ZNF644: variants seen among roughly 807,000 people sequenced by gnomAD.
The protein encoded by ZNF644 is zinc finger protein 644, also known as zinc finger motif enhancer binding protein 2.
In ZNF644, 20 loss-of-function variants were observed where a neutral mutation model predicts 108.0. The ratio of observed to expected loss-of-function variants is 0.19; its 90% CI spans 0.13 to 0.27. The LOEUF (loss-of-function observed/expected upper bound fraction) is 0.27, where lower values mean the gene tolerates loss of function less well. Ranked by LOEUF, ZNF644 falls within the 10% of genes least tolerant of loss-of-function variation. ZNF644 has a pLI of 1.00. For missense variants in ZNF644, 1,338 were observed against 1,548.9 expected (o/e 0.86, Z 2.29); for synonymous variants, 542 against 539.1 (o/e 1.01, Z -0.08).
chr1:90,969,211 A>C (rs962544760), intron 2 of ZNF644, among the ~76,000 whole-genome samples: 40 of 152,312 alleles, frequency 2.6e-4, no homozygotes, highest in African/African-American at 8.7e-4. Context: ...AGATTAGGAC[A>C]TACAGAGAGA....
intron 4 of ZNF644, among the ~76,000 whole-genome samples, chr1:90,921,993 AAAG>A (rs1295812918): frequency 3.9e-5 from 6 of 152,196 alleles, no homozygotes; most frequent in African/African-American, 1.4e-4. Context: ...AGTTTTATAC[AAAG>A]AAGATTAAGA....
At chr1:90,986,920 C>T (rs763634333) in intron 1 of ZNF644, among the ~76,000 whole-genome samples, 9 of 151,674 alleles carry the variant, frequency 5.9e-5, no homozygotes, top group Non-Finnish European at 1.3e-4. Flanking sequence ...CTTACTCTTA[C>T]CCAACCAATG....
chr1:90,984,431 G>A (rs1167116839), intron 1 of ZNF644, among the ~76,000 whole-genome samples: 1 of 151,260 alleles, frequency 6.6e-6, no homozygotes, highest in Non-Finnish European at 1.5e-5. Context: ...AATATGACTG[G>A]TGTCTTTTTT....
At chr1:90,951,669 C>T (rs938083349) in intron 2 of ZNF644, among the ~76,000 whole-genome samples, 2 of 152,148 alleles carry the variant, frequency 1.3e-5, no homozygotes, top group African/African-American at 4.8e-5. Context: ...TCTACTTATA[C>T]TAGTTTATCC....
At chr1:90,943,768 A>T (rs1652250291) in intron 2 of ZNF644, among the ~76,000 whole-genome samples, 1 of 152,146 alleles carries the variant, frequency 6.6e-6, no homozygotes, top group Non-Finnish European at 1.5e-5. Flanking sequence ...CACAGAAGTT[A>T]AAAATGGGCA....
chr1:91,010,788 G>T (rs1481880050), intron 1 of ZNF644, among the ~76,000 whole-genome samples: 1 of 152,072 alleles, frequency 6.6e-6, no homozygotes, highest in African/African-American at 2.4e-5. Flanking sequence ...ACCCCTAGTG[G>T]AGCATTAGCT....
Position 90,939,023 on chromosome 1 carries a change from T to A in ZNF644, c.2331A>T (p.Ser777=). 6.2e-7 allele frequency: 1 copy of A among 1,614,042 alleles called. No homozygotes were observed. Among genetic ancestry groups the A allele is most frequent in the Non-Finnish European group, 8.5e-7 (1 of 1,179,928 alleles). ...TAAAATTGTTGTGAGAATTACTTGA[T>A]GATGAAAACAGGTGTAAAGAATTTA... The part of the protein sequence containing the change: ...SSLNSLHLFS[S]SSNSHNNFIS... Residue 777 remains serine (S), a synonymous_variant, in exon 3 of 6, where the codon TCA becomes TCT. Coordinates refer to ENST00000337393, the MANE Select transcript of ZNF644 (RefSeq NM_201269.3).
At chr1:90,982,779 G>T (rs764177260) in intron 1 of ZNF644, among the ~76,000 whole-genome samples, 2 of 151,940 alleles carry the variant, frequency 1.3e-5, no homozygotes, top group Non-Finnish European at 2.9e-5. Flanking sequence ...AGACAAAAAT[G>T]TTATAGTATT....
intron 2 of ZNF644, among the ~76,000 whole-genome samples, chr1:90,949,789 G>C (rs1652894887): frequency 6.6e-6 from 1 of 152,042 alleles, no homozygotes; most frequent in Non-Finnish European, 1.5e-5. Context: ...ATTGGAGTTT[G>C]GTATTCTTGC....
intron 1 of ZNF644, among the ~76,000 whole-genome samples, chr1:90,983,481 C>CAAAAA (rs768476839): frequency 4.7e-5 from 3 of 63,398 alleles, no homozygotes; most frequent in African/African-American, 1.1e-4. Context: ...CCTCATATGG[C>CAAAAA]AAAAAAAAAA....
At chr1:90,990,708 C>A (rs995351002) in intron 1 of ZNF644, among the ~76,000 whole-genome samples, 9 of 152,112 alleles carry the variant, frequency 5.9e-5, no homozygotes, top group Non-Finnish European at 1.2e-4. Flanking sequence ...GGAAACTATC[C>A]AAGCAAGGAA....
At chr1:90,931,490 CTATTTTGA>C (rs1332555017) in intron 4 of ZNF644, among the ~76,000 whole-genome samples, 1 of 151,884 alleles carries the variant, frequency 6.6e-6, no homozygotes, top group East Asian at 1.9e-4. Flanking sequence ...TGATTCTAGT[CTATTTTGA>C]TAAAGATTGA....
intron 2 of ZNF644, among the ~76,000 whole-genome samples, chr1:90,974,687 C>G (rs1019686838): frequency 6.6e-6 from 1 of 152,224 alleles, no homozygotes; most frequent in Non-Finnish European, 1.5e-5. Flanking sequence ...CTACCACTCT[C>G]AAGTCAGGCC....
rs924518121 is a variant in ZNF644 at position 90,956,377 on chromosome 1, C to T, written c.45-15068G>A. 3.3e-5 allele frequency among the ~76,000 whole-genome samples: 5 copies of T among 152,246 alleles called. 1 individual carries two copies. The highest frequency in any genetic ancestry group is 4.2e-4 in the South Asian group (2 of 4,816). Reference sequence around the variant, plus strand: ...TTCAGTTTGTATAAGACACAATATACGAAAAGCACAATAAATCAACACACA... The same window carrying T: ...TTCAGTTTGTATAAGACACAATATATGAAAAGCACAATAAATCAACACACA... On this transcript the variant is annotated intron_variant, in intron 2 of 5. Coordinates refer to ENST00000337393, the MANE Select transcript of ZNF644 (RefSeq NM_201269.3).
chr1:90,984,939 C>T (rs1289279942), intron 1 of ZNF644, among the ~76,000 whole-genome samples: 1 of 152,124 alleles, frequency 6.6e-6, no homozygotes, highest in Non-Finnish European at 1.5e-5. Context: ...TATAAACATA[C>T]TTGAATGCCA....
chr1:90,945,073 T>C (rs568742298), intron 2 of ZNF644, among the ~76,000 whole-genome samples: 2 of 152,248 alleles, frequency 1.3e-5, no homozygotes, highest in Non-Finnish European at 2.9e-5. Flanking sequence ...AATGTATATA[T>C]AACAGAGACA....
chr1:90,929,014 C>A (rs1010736383), intron 4 of ZNF644, among the ~76,000 whole-genome samples: 2 of 152,084 alleles, frequency 1.3e-5, no homozygotes, highest in African/African-American at 4.8e-5. Context: ...TACAAGAACT[C>A]AAACTTTTGT....
intron 1 of ZNF644, among the ~76,000 whole-genome samples, chr1:90,984,512 G>A (rs1330192483): frequency 1.3e-5 from 2 of 151,542 alleles, no homozygotes; most frequent in African/African-American, 2.4e-5. Flanking sequence ...CTCAGCCTCC[G>A]AAGTAGCTAG....
chr1:91,007,225 G>GGTTT (rs1659527631), intron 1 of ZNF644, among the ~76,000 whole-genome samples: 3 of 55,974 alleles, frequency 5.4e-5, no homozygotes, highest in African/African-American at 2.3e-4. Context: ...CTCCCATTTT[G>GGTTT]TTTTTTTTTT....
Sources: allele counts gnomAD v4.1 joint callset (sites outside exome capture counted in the v4.1 genomes callset), GRCh38; gene constraint gnomAD v4.1.1; transcripts MANE v1.5; gene names NCBI Gene and HGNC (gene_info 2026-07-23, HGNC 2026-07-21).